CAPN10: variants seen among roughly 807,000 people sequenced by gnomAD.
The protein encoded by CAPN10 is calpain-10.
In CAPN10, 71 loss-of-function variants were observed where a neutral mutation model predicts 78.4. The ratio of observed to expected loss-of-function variants is 0.91; its 90% confidence interval spans 0.75 to 1.10. The LOEUF is 1.10. Among genes scored for constraint, CAPN10 ranks in the 50% least tolerant of loss-of-function variants. The pLI, the probability that CAPN10 is intolerant of heterozygous loss-of-function variation, is 0.00. For synonymous variants in CAPN10, 437 were observed against 407.2 expected (o/e 1.07, Z -0.88); for missense variants, 849 against 924.6 (o/e 0.92, Z 1.06).
chr2:240,596,349 G>T lies in CAPN10; in HGVS notation c.1309G>T (p.Val437Phe). The T allele has an allele frequency of 6.2e-7, 1 of 1,611,722 alleles. No homozygotes were observed. Among genetic ancestry groups the T allele is most frequent in the Non-Finnish European group, 8.5e-7 (1 of 1,179,048 alleles). Residue 437 changes from valine to phenylalanine, a missense_variant, in exon 8 of 12, where the codon GTC becomes TTC. Physicochemically the swap from Val to Phe is conservative, Grantham distance 50. Coordinates refer to ENST00000391984, the MANE Select transcript of CAPN10 (RefSeq NM_023083.4). ...VEKRRVNLPR[V>F]LSMPPVAGTA... ...GAAGCGGCGGGTCAATCTGCCTAGGGTCCTGTCCATGCCCCCCGTGGCTGG... is the reference window on the plus strand; with the variant it reads ...GAAGCGGCGGGTCAATCTGCCTAGGTTCCTGTCCATGCCCCCCGTGGCTGG...
At chr2:240,594,184 A>G in intron 5 of CAPN10, 137 bp downstream of exon 5, 2 of 937,034 alleles carry the variant, frequency 2.1e-6, no homozygotes, top group African/African-American at 3.3e-5. Context: ...TGCTCTCGTG[A>G]CACCATGCTT....
intron 8 of CAPN10, 50 bp from the exon 9 acceptor site, chr2:240,596,631 G>A: frequency 6.5e-7 from 1 of 1,531,658 alleles, no homozygotes; most frequent in Non-Finnish European, 8.8e-7. Context: ...GGGAACTGAG[G>A]CCACCGGGAA....
chr2:240,589,495 G>T (rs1489520635), intron 2 of CAPN10, 21 bp downstream of exon 2: 1 of 1,598,434 alleles, frequency 6.3e-7, no homozygotes. Context: ...CCTTCCCTGT[G>T]TTTGTCCTGG....
intron 1 of CAPN10, among the ~76,000 whole-genome samples, chr2:240,588,081 A>C (rs1486391554): frequency 6.6e-6 from 1 of 152,094 alleles, no homozygotes; most frequent in African/African-American, 2.4e-5. Flanking sequence ...ATTGAAATAG[A>C]GGGTGAGGAT....
chr2:240,590,773 C>T, intron 2 of CAPN10, 42 bp from the exon 3 acceptor site: 2 of 1,592,236 alleles, frequency 1.3e-6, no homozygotes, highest in Non-Finnish European at 1.7e-6. Flanking sequence ...CCGGGTGGTG[C>T]TTATATCACG....
intron 5 of CAPN10, chr2:240,594,309 C>G: frequency 1.6e-6 from 1 of 608,844 alleles, no homozygotes; most frequent in Non-Finnish European, 2.9e-6. Context: ...GAAGACGCAT[C>G]CAGAGGCGTG....
At position 240,586,816 on chromosome 2, in the gene CAPN10, C is replaced by T. The variant is rs868225781; in HGVS notation, c.-96C>T. 3.3e-6 allele frequency: 4 copies of T among 1,201,838 alleles called. No homozygotes were observed. Among genetic ancestry groups the T allele is most frequent in the African/African-American group, 3.2e-5 (2 of 62,424 alleles). 74.4% of individuals were successfully genotyped at this position (1,201,838 alleles called of 1,614,324 possible). ...AGGGCTGGGCCGGGCGGGGAACGGGCGGGGCGGGCCGGAGGCGGCGGCGGC... is the reference window on the plus strand; with the variant it reads ...AGGGCTGGGCCGGGCGGGGAACGGGTGGGGCGGGCCGGAGGCGGCGGCGGC... On this transcript the variant is annotated 5_prime_UTR_variant, in exon 1 of 12. Coordinates refer to ENST00000391984, the MANE Select transcript of CAPN10 (RefSeq NM_023083.4).
rs1237660663 is a variant in CAPN10, at chr2:240,596,104, C to G, written c.1279-215C>G. On this transcript the variant is annotated intron_variant, in intron 7 of 11. Transcript: ENST00000391984. ...CAGCTACAAGGAGGACTTGCAGGCT[C>G]GTGTCTGGGACAGATACTGGCGCCA... 4 of 1,536,256 alleles carry G rather than the reference C, an allele frequency of 2.6e-6. No homozygotes were observed. In the Admixed American group the frequency reaches 5.9e-5, roughly 23 times the overall value.
intron 2 of CAPN10, chr2:240,589,756 CGTTTAGAATAA>C: frequency 2.7e-6 from 1 of 372,860 alleles, no homozygotes; most frequent in Non-Finnish European, 4.8e-6. Context: ...CAGATCACCA[CGTTTAGAATAA>C]AGAGACAAAT....
rs1466933541 is a variant in CAPN10 at position 240,596,834 on chromosome 2, C to T, written c.1635C>T (p.Pro545=). The T allele has an allele frequency of 6.2e-7, 1 of 1,613,432 alleles. No homozygotes were observed. The highest frequency in any genetic ancestry group is 1.7e-5 in the Admixed American group (1 of 59,996). ...CATACCCCACCAACCCCTGCTTCCCCTTCTCGGTCCCCGAGGGCCCTGGCC... is the reference window on the plus strand; with the variant it reads ...CATACCCCACCAACCCCTGCTTCCCTTTCTCGGTCCCCGAGGGCCCTGGCC... ...FASYPTNPCF[P]FSVPEGPGPR... Residue 545 remains proline (P), a synonymous_variant, in exon 9 of 12, where the codon CCC becomes CCT. Transcript: ENST00000391984.
Position 240,594,569 on chromosome 2 carries a change from C to G in CAPN10, c.857C>G (p.Ala286Gly). Reference protein sequence around the residue: ...EGGEGWSQVDAAVASELLSQL... With the variant: ...EGGEGWSQVDGAVASELLSQL... The stretch of plus-strand genomic sequence containing the variant: ...GGTGAAGGGTGGAGCCAGGTAGATG[C>G]AGCGGTAGCATCTGAGCTCCTGTCC... The change falls in exon 6 of 12, where the codon GCA (alanine) becomes GGA (glycine). Residue 286 changes from alanine to glycine, a missense_variant. By Grantham distance (60) the Ala-to-Gly change is moderately conservative. Transcript: ENST00000391984. The G allele has an allele frequency of 6.2e-7, 1 of 1,613,736 alleles. No individual in the cohort carries two copies. The highest frequency in any genetic ancestry group is 8.5e-7 in the Non-Finnish European group (1 of 1,179,892).
intron 1 of CAPN10, among the ~76,000 whole-genome samples, chr2:240,588,202 TCAGGTGGAGCTGTCCTGGAGG>T (rs982131124): frequency 1.3e-5 from 2 of 152,080 alleles, no homozygotes; most frequent in South Asian, 2.1e-4. Flanking sequence ...TCTCACGTCT[TCAGGTGGAGCTGTCCTGGAGG>T]CAGGTGGATC....
intron 4 of CAPN10, among the ~76,000 whole-genome samples, 165 bp downstream of exon 4, chr2:240,592,315 C>G (rs2093107725): frequency 6.6e-6 from 1 of 152,242 alleles, no homozygotes; most frequent in African/African-American, 2.4e-5. Flanking sequence ...TTGTGACCTT[C>G]CCCTACTGTC....
In CAPN10 at chr2:240,593,888, G is replaced by A; in HGVS notation, c.689-18G>A. 1 of 1,581,254 alleles carries A rather than the reference G, an allele frequency of 6.3e-7. No homozygotes were observed. Among genetic ancestry groups the A allele is most frequent in the Non-Finnish European group, 8.6e-7 (1 of 1,158,048 alleles). On this transcript the variant is annotated intron_variant, in intron 4 of 11. Coordinates refer to ENST00000391984, the MANE Select transcript of CAPN10 (RefSeq NM_023083.4). ...CATGGTGCCCTTCCTGCCTGTGCCT[G>A]CGCCATTCCTCATGCAGGTGCCCGG...
intron 11 of CAPN10, 100 bp from the exon 12 acceptor site, chr2:240,598,551 G>A: frequency 6.8e-7 from 1 of 1,461,774 alleles, no homozygotes; most frequent in Non-Finnish European, 9.4e-7. Flanking sequence ...TGAAGGGCAG[G>A]GGGAGCTGAG....
At chr2:240,597,739 G>A (rs1169358859) in intron 9 of CAPN10, 149 bp from the exon 10 acceptor site, 1 of 729,098 alleles carries the variant, frequency 1.4e-6, no homozygotes, top group African/African-American at 1.8e-5. Context: ...TGGTGAGGAG[G>A]CGAGTCCAGT....
intron 4 of CAPN10, chr2:240,592,606 C>A: frequency 2.4e-6 from 1 of 422,710 alleles, no homozygotes; most frequent in Admixed American, 2.9e-5. Context: ...CCCAGGAGTT[C>A]AAGAGACCCG....
In CAPN10 at chr2:240,592,600, G is replaced by A. The variant is rs1030081291; in HGVS notation, c.688+450G>A. 4 of 434,652 alleles carry A rather than the reference G, an allele frequency of 9.2e-6. No homozygotes were observed. In the Admixed American group the frequency reaches 1.1e-4, roughly 12 times the overall value. The allele number at this position is 434,652 out of a possible 1,614,324, so 26.9% of individuals were successfully genotyped here. Reference sequence around the variant, plus strand: ...GAGGTGGGAGTATCGCTGGAGCCCAGGAGTTCAAGAGACCCGCCTGGGCAA... The same window carrying A: ...GAGGTGGGAGTATCGCTGGAGCCCAAGAGTTCAAGAGACCCGCCTGGGCAA... On this transcript the variant is annotated intron_variant, in intron 4 of 11. Coordinates refer to ENST00000391984, the MANE Select transcript of CAPN10 (RefSeq NM_023083.4).
At position 240,598,340 on chromosome 2, in the gene CAPN10, G is replaced by A. The variant is rs775809286; in HGVS notation, c.1944-12G>A. 6.2e-6 allele frequency: 10 copies of A among 1,613,738 alleles called. No homozygotes were observed. The highest frequency in any genetic ancestry group is 2.2e-5 in the South Asian group (2 of 91,084). ...TGCAGTCTGGGAGCGCTGATCTGGT[G>A]TCTCTCCACAGGCCATCCATTCACA... On this transcript the variant is annotated splice_polypyrimidine_tract_variant and intron_variant, in intron 10 of 11. Coordinates refer to ENST00000391984, the MANE Select transcript of CAPN10 (RefSeq NM_023083.4).
Sources: allele counts gnomAD v4.1 joint callset (sites outside exome capture counted in the v4.1 genomes callset), GRCh38; gene constraint gnomAD v4.1.1; transcripts MANE v1.5; gene names NCBI Gene and HGNC (gene_info 2026-07-23, HGNC 2026-07-21).